The following IL1RAPL2 variants were observed in gnomAD, a reference collection of about 807,000 sequenced individuals.
The protein encoded by IL1RAPL2 is interleukin 1 receptor accessory protein like 2, also known as X-linked interleukin-1 receptor accessory protein-like 2.
A neutral mutation model predicts 44.1 loss-of-function variants in IL1RAPL2; 3 were observed. The ratio of observed to expected loss-of-function variants is 0.07; its 90% confidence interval spans 0.03 to 0.18. The LOEUF is 0.18. Among genes scored for constraint, IL1RAPL2 ranks in the 10% least tolerant of loss-of-function variants. The probability of loss-of-function intolerance (pLI) is 1.00; values close to 1 mark genes in which losing one functional copy is unlikely to be tolerated. For missense variants in IL1RAPL2, 391 were observed against 496.4 expected (o/e 0.79, Z 2.02); for synonymous variants, 181 against 178.8 (o/e 1.01, Z -0.10).
chrX:105,044,061 A>G (rs5916855), intron 2 of IL1RAPL2, among the ~76,000 whole-genome samples: 51,053 of 110,210 alleles, frequency 0.46, 9,404 homozygotes, highest in East Asian at 0.75. Flanking sequence ...TGTAATGCTC[A>G]GGCCACTAAA....
chrX:105,542,712 T>C (rs1191425858), intron 6 of IL1RAPL2, among the ~76,000 whole-genome samples: 4 of 92,537 alleles, frequency 4.3e-5, no homozygotes, highest in Admixed American at 2.3e-4. Flanking sequence ...TATTTATTTA[T>C]TTATTTATTT....
At chrX:104,647,897 C>T (rs1930076843) in intron 1 of IL1RAPL2, 2 of 645,999 alleles carry the variant, frequency 3.1e-6, no homozygotes, top group Non-Finnish European at 5.1e-6. Flanking sequence ...GATGACAGCT[C>T]TGTGACCAGC....
chrX:104,780,432 C>A (rs1416081238), intron 2 of IL1RAPL2, among the ~76,000 whole-genome samples: 1 of 111,726 alleles, frequency 9.0e-6, no homozygotes. Flanking sequence ...ACTGAGTAAG[C>A]TAGTTGCCAG....
intron 5 of IL1RAPL2, among the ~76,000 whole-genome samples, chrX:105,346,324 A>G (rs2035109919): frequency 8.9e-6 from 1 of 111,966 alleles, no homozygotes; most frequent in South Asian, 3.7e-4. Flanking sequence ...TAGTGGATGA[A>G]CACAGGCATT....
chrX:105,766,886 A>G, intron 10 of IL1RAPL2, 78 bp from the exon 11 acceptor site: 1 of 662,855 alleles, frequency 1.5e-6, no homozygotes, highest in Non-Finnish European at 2.4e-6. Flanking sequence ...GATCTTTGCT[A>G]TACTAGTGTG....
chrX:105,458,031 G>A (rs759739602), intron 5 of IL1RAPL2, among the ~76,000 whole-genome samples: 2 of 111,301 alleles, frequency 1.8e-5, no homozygotes, highest in African/African-American at 6.5e-5. Flanking sequence ...GTATGAAGTA[G>A]TATCTCATTG....
chrX:105,105,822 C>G (rs1000983333), intron 2 of IL1RAPL2, among the ~76,000 whole-genome samples: 7 of 111,955 alleles, frequency 6.3e-5, no homozygotes, highest in Admixed American at 1.9e-4. Context: ...ATCTGAGCAG[C>G]CCCCAATTCG....
chrX:104,905,823 T>A (rs1429428708), intron 2 of IL1RAPL2, among the ~76,000 whole-genome samples: 1 of 111,263 alleles, frequency 9.0e-6, no homozygotes, highest in South Asian at 3.8e-4. Flanking sequence ...TAAAGTAGTT[T>A]TTTCCAATTC....
intron 1 of IL1RAPL2, among the ~76,000 whole-genome samples, chrX:104,641,986 G>C (rs1410960418): frequency 1.8e-5 from 2 of 111,605 alleles, no homozygotes; most frequent in Non-Finnish European, 3.8e-5. Flanking sequence ...TCTCCTGGCA[G>C]CTCCATATGT....
intron 10 of IL1RAPL2, among the ~76,000 whole-genome samples, chrX:105,759,091 C>T (rs762678984): frequency 3.6e-5 from 4 of 111,659 alleles, no homozygotes; most frequent in Non-Finnish European, 7.5e-5. Context: ...GGATGAGTAC[C>T]ATTTATGCTT....
chrX:105,389,172 A>G (rs1473449593), intron 5 of IL1RAPL2, among the ~76,000 whole-genome samples: 1 of 111,965 alleles, frequency 8.9e-6, no homozygotes, highest in African/African-American at 3.2e-5. Flanking sequence ...GCAATTCAGA[A>G]AATGATTTCT....
At chrX:105,722,765 G>A (rs767379697) in intron 7 of IL1RAPL2, among the ~76,000 whole-genome samples, 121 of 111,507 alleles carry the variant, frequency 1.1e-3, no homozygotes, top group African/African-American at 3.7e-3. Flanking sequence ...CAACAGAAAT[G>A]TATTAGTCAA....
intron 2 of IL1RAPL2, among the ~76,000 whole-genome samples, chrX:104,884,544 C>T (rs764894662): frequency 9.4e-6 from 1 of 106,619 alleles, no homozygotes; most frequent in African/African-American, 3.3e-5. Flanking sequence ...GCCATTGGGA[C>T]CAATTTGACC....
intron 6 of IL1RAPL2, among the ~76,000 whole-genome samples, chrX:105,530,365 C>T (rs183460104): frequency 8.8e-4 from 98 of 111,181 alleles, no homozygotes; most frequent in Non-Finnish European, 1.5e-3. Flanking sequence ...CATTTGTATA[C>T]CTTCTTTGTA....
At chrX:104,672,924 G>A (rs774083875) in intron 2 of IL1RAPL2, among the ~76,000 whole-genome samples, 51 of 111,392 alleles carry the variant, frequency 4.6e-4, no homozygotes, top group Admixed American at 4.0e-3. Flanking sequence ...CATGTCCTTC[G>A]CCCACTTTTT....
At chrX:104,738,181 G>T (rs1347808125) in intron 2 of IL1RAPL2, among the ~76,000 whole-genome samples, 1 of 112,196 alleles carries the variant, frequency 8.9e-6, no homozygotes, top group African/African-American at 3.2e-5. Context: ...TCAGAATAGG[G>T]TCATTGTAGA....
chrX:105,097,330 C>CAAAAAAAAAA (rs201390547), intron 2 of IL1RAPL2, among the ~76,000 whole-genome samples: 7 of 43,182 alleles, frequency 1.6e-4, no homozygotes, highest in African/African-American at 7.4e-4. Context: ...CAGTGTCAGA[C>CAAAAAAAAAA]AAAAAAAAAA....
chrX:104,673,993 T>A, intron 2 of IL1RAPL2, among the ~76,000 whole-genome samples: 2 of 111,390 alleles, frequency 1.8e-5, no homozygotes, highest in Non-Finnish European at 3.8e-5. Context: ...TTAAGGAGAT[T>A]TTGGGCTGAG....
At chrX:104,618,185 G>A (rs778123146) in intron 1 of IL1RAPL2, among the ~76,000 whole-genome samples, 2 of 111,815 alleles carry the variant, frequency 1.8e-5, no homozygotes, top group Admixed American at 1.9e-4. Flanking sequence ...TAAGGTAGTT[G>A]ATGGTACTTA....
Sources: gnomAD v4.1 joint callset for allele counts (sites outside exome capture counted in the v4.1 genomes callset) on GRCh38, gnomAD v4.1.1 for gene constraint, MANE v1.5 for transcripts, NCBI Gene and HGNC (gene_info 2026-07-23, HGNC 2026-07-21) for gene names.